CADPS2: variants seen among roughly 807,000 people sequenced by gnomAD.
The protein encoded by CADPS2 is calcium-dependent secretion activator 2.
A neutral mutation model predicts 172.5 loss-of-function variants in CADPS2; 93 were observed. The observed-to-expected ratio is 0.54, with a 90% CI of 0.46 to 0.64. CADPS2 has a LOEUF of 0.64. CADPS2 is among the 30% of genes least tolerant of loss of function. The pLI, the probability that CADPS2 is intolerant of heterozygous loss-of-function variation, is 0.00. For missense variants in CADPS2, 1,420 were observed against 1,565.9 expected (o/e 0.91, Z 1.57); for synonymous variants, 546 against 555.2 (o/e 0.98, Z 0.23).
At chr7:122,623,841 G>C (rs1449402077) in intron 4 of CADPS2, among the ~76,000 whole-genome samples, 1 of 152,152 alleles carries the variant, frequency 6.6e-6, no homozygotes, top group Non-Finnish European at 1.5e-5. Flanking sequence ...TCACGTATCT[G>C]AAAGTTCTGA....
chr7:122,830,435 C>A (rs1351098195), intron 1 of CADPS2, among the ~76,000 whole-genome samples: 4 of 151,520 alleles, frequency 2.6e-5, no homozygotes, highest in Non-Finnish European at 4.4e-5. Context: ...TCACTGATCT[C>A]AAAAGGTCTG....
intron 27 of CADPS2, among the ~76,000 whole-genome samples, chr7:122,355,209 TTCC>T (rs1194931804): frequency 6.6e-6 from 1 of 152,216 alleles, no homozygotes; most frequent in African/African-American, 2.4e-5. Flanking sequence ...GGAACATGAA[TTCC>T]TCCTTTTCTG....
intron 1 of CADPS2, among the ~76,000 whole-genome samples, chr7:122,823,142 C>T (rs959148396): frequency 3.9e-5 from 6 of 152,142 alleles, no homozygotes; most frequent in African/African-American, 1.2e-4. Context: ...ATCTTTTGTA[C>T]ATTTTAAATC....
intron 6 of CADPS2, among the ~76,000 whole-genome samples, chr7:122,603,435 A>T (rs908176937): frequency 6.8e-6 from 1 of 146,378 alleles, no homozygotes; most frequent in South Asian, 2.1e-4. Context: ...GATTTAAAGA[A>T]AGTAGAGAAA....
intron 1 of CADPS2, among the ~76,000 whole-genome samples, chr7:122,814,993 G>A (rs1800956821): frequency 6.6e-6 from 1 of 152,010 alleles, no homozygotes; most frequent in East Asian, 1.9e-4. Flanking sequence ...CAGAACTCTT[G>A]CACAAAGAAC....
At chr7:122,844,870 C>T (rs1054768942) in intron 1 of CADPS2, among the ~76,000 whole-genome samples, 1 of 151,574 alleles carries the variant, frequency 6.6e-6, no homozygotes, top group African/African-American at 2.4e-5. Flanking sequence ...TAAAGATAGA[C>T]ATGTGGCTTA....
intron 2 of CADPS2, among the ~76,000 whole-genome samples, chr7:122,705,326 C>A (rs2086821762): frequency 6.7e-6 from 1 of 150,314 alleles, no homozygotes; most frequent in Non-Finnish European, 1.5e-5. Flanking sequence ...TTATTCAATA[C>A]ATGGACATTC....
chr7:122,709,312 A>G (rs1277047122), intron 2 of CADPS2, among the ~76,000 whole-genome samples: 1 of 152,162 alleles, frequency 6.6e-6, no homozygotes, highest in Non-Finnish European at 1.5e-5. Flanking sequence ...AAAAATGCTC[A>G]TCATCACTGG....
At chr7:122,785,351 T>G (rs1353864196) in intron 1 of CADPS2, among the ~76,000 whole-genome samples, 1 of 152,170 alleles carries the variant, frequency 6.6e-6, no homozygotes, top group African/African-American at 2.4e-5. Context: ...AAAGTCTGAT[T>G]GTTAGTTCTC....
intron 2 of CADPS2, among the ~76,000 whole-genome samples, chr7:122,706,765 AATGT>A (rs987460645): frequency 2.0e-5 from 3 of 148,100 alleles, no homozygotes; most frequent in Non-Finnish European, 3.0e-5. Context: ...ATATATATAA[AATGT>A]ATGTGTGTGT....
chr7:122,526,179 C>CTTATTTAT (rs3069351), intron 8 of CADPS2, among the ~76,000 whole-genome samples: 163 of 149,858 alleles, frequency 1.1e-3, no homozygotes, highest in African/African-American at 3.1e-3. Context: ...CTTTGATACA[C>CTTATTTAT]TTATTTATTT....
chr7:122,753,032 A>G (rs1457547228), intron 1 of CADPS2, among the ~76,000 whole-genome samples: 1 of 152,178 alleles, frequency 6.6e-6, no homozygotes, highest in African/African-American at 2.4e-5. Context: ...CAAGAAAGTG[A>G]CACACAGATA....
At position 122,696,895 on chromosome 7, in the gene CADPS2, C is replaced by G. The variant is rs536310883; in HGVS notation, c.454-33326G>C. 1.3e-4 allele frequency among the ~76,000 whole-genome samples: 20 copies of G among 152,206 alleles called. No individual in the cohort carries two copies. The South Asian group carries it at 1.7e-3, about 13-fold the overall frequency. The stretch of plus-strand genomic sequence containing the variant: ...TTCAAAAATACTCGAGTGCCAGGAA[C>G]TCTGCTGGACCCTGAGAATATAGTG... On this transcript the variant is annotated intron_variant, in intron 2 of 29. Transcript: ENST00000449022.
chr7:122,846,253 C>T (rs1023041175), intron 1 of CADPS2, among the ~76,000 whole-genome samples: 7 of 152,228 alleles, frequency 4.6e-5, no homozygotes, highest in Admixed American at 1.3e-4. Flanking sequence ...AGATATAAAA[C>T]TGATTTAACA....
At chr7:122,877,940 A>T (rs1194988350) in intron 1 of CADPS2, among the ~76,000 whole-genome samples, 1 of 152,138 alleles carries the variant, frequency 6.6e-6, no homozygotes, top group East Asian at 1.9e-4. Flanking sequence ...GAGAAGATGA[A>T]GTCCAGGCCC....
At chr7:122,384,521 C>T (rs2043392421) in intron 24 of CADPS2, among the ~76,000 whole-genome samples, 1 of 151,958 alleles carries the variant, frequency 6.6e-6, no homozygotes, top group Non-Finnish European at 1.5e-5. Context: ...AATTCCGAAA[C>T]TTATCTCAGC....
intron 6 of CADPS2, among the ~76,000 whole-genome samples, chr7:122,611,838 T>C (rs1347644254): frequency 6.6e-6 from 1 of 151,928 alleles, no homozygotes; most frequent in Non-Finnish European, 1.5e-5. Flanking sequence ...CCAAATCCAG[T>C]GACAAATTTT....
Position 122,387,076 on chromosome 7 carries a change from C to T in CADPS2, c.3262G>A (p.Asp1088Asn), listed in dbSNP as rs76528953. 6,386 of 1,561,438 alleles carry T rather than the reference C, an allele frequency of 4.1e-3. 21 individuals carry two copies. Among genetic ancestry groups the T allele is most frequent in the Non-Finnish European group, 5.2e-3 (5,987 of 1,150,968 alleles). The change falls in exon 24 of 30, where the codon GAT (aspartate) becomes AAT (asparagine). Residue 1088 changes from aspartate (D) to asparagine (N), a missense_variant. Transcript: ENST00000449022. ...AGTTTGGTGCTTTGCTTTTTGGCAT[C>T]GACTAATACATTAAACATAGTGCAA... is the stretch of plus-strand genomic sequence containing the variant. ...SVCTMFNVLV[D>N]AKKQSTKLCA...
At chr7:122,884,166 A>C (rs1027343658) in intron 1 of CADPS2, among the ~76,000 whole-genome samples, 4 of 152,248 alleles carry the variant, frequency 2.6e-5, no homozygotes, top group Non-Finnish European at 5.9e-5. Flanking sequence ...TTATTTTTAC[A>C]CTTTAATCAT....
Sources: allele counts gnomAD v4.1 joint callset (sites outside exome capture counted in the v4.1 genomes callset), GRCh38; gene constraint gnomAD v4.1.1; transcripts MANE v1.5; gene names NCBI Gene and HGNC (gene_info 2026-07-23, HGNC 2026-07-21).